Variants in DIAPH2 observed in about 807,000 individuals in gnomAD.
The protein encoded by DIAPH2 is protein diaphanous homolog 2.
Under a neutral mutation model 92.7 loss-of-function variants are expected in DIAPH2, and 35 were observed. The observed-to-expected ratio is 0.38, with a 90% confidence interval of 0.29 to 0.50. The LOEUF (loss-of-function observed/expected upper bound fraction) is 0.50. Among genes scored for constraint, DIAPH2 ranks in the 20% least tolerant of loss-of-function variants. DIAPH2 has a pLI of 0.94. For synonymous variants in DIAPH2, 301 were observed against 280.4 expected (o/e 1.07, Z -0.73); for missense variants, 701 against 819.5 (o/e 0.86, Z 1.77).
intron 4 of DIAPH2, among the ~76,000 whole-genome samples, chrX:96,824,051 A>C (rs2064796528): frequency 9.0e-6 from 1 of 110,674 alleles, no homozygotes; most frequent in Admixed American, 9.7e-5. Flanking sequence ...CCACACTCTG[A>C]TCATTCTAGT....
At chrX:97,306,061 C>T (rs867512212) in intron 23 of DIAPH2, among the ~76,000 whole-genome samples, 2 of 100,257 alleles carry the variant, frequency 2.0e-5, no homozygotes, top group East Asian at 6.3e-4. Flanking sequence ...AAAAAAAAAA[C>T]CTTCCGTACA....
chrX:97,234,412 G>C (rs1314210087), intron 22 of DIAPH2, among the ~76,000 whole-genome samples: 1 of 108,048 alleles, frequency 9.3e-6, no homozygotes, highest in Non-Finnish European at 1.9e-5. Flanking sequence ...TTTTCTCTCT[G>C]TTTCCATATC....
chrX:96,962,274 C>T lies in DIAPH2; in HGVS notation c.1936-2819C>T, dbSNP rs867575010. 1.6e-3 allele frequency among the ~76,000 whole-genome samples: 113 copies of T among 71,972 alleles called. 1 individual carries two copies. The highest frequency in any genetic ancestry group is 2.0e-3 in the Non-Finnish European group (78 of 38,398). The allele number at this position is 71,972 out of a possible 115,157, so 62.5% of individuals were successfully genotyped here. A position where few individuals can be genotyped will look rare whatever the true frequency, so the allele number is the denominator to read the frequency against. ...AGTGATGCCTTTCTATATATATATA[C>T]ATATATATATACATATATATATATA... is the stretch of plus-strand genomic sequence containing the variant. On this transcript the variant is annotated intron_variant, in intron 16 of 26. Transcript: ENST00000324765.
At chrX:97,152,026 C>T (rs745399256) in intron 22 of DIAPH2, among the ~76,000 whole-genome samples, 19 of 111,385 alleles carry the variant, frequency 1.7e-4, no homozygotes, top group African/African-American at 5.9e-4. Flanking sequence ...ATGGAGACTC[C>T]CTTGTACTAC....
At chrX:97,147,000 C>CTTAT (rs2067252210) in intron 22 of DIAPH2, among the ~76,000 whole-genome samples, 1 of 110,250 alleles carries the variant, frequency 9.1e-6, no homozygotes, top group East Asian at 2.8e-4. Context: ...GTTAAGTTTA[C>CTTAT]GTATTTATTT....
intron 24 of DIAPH2, among the ~76,000 whole-genome samples, chrX:97,367,601 AT>A (rs1346817561): frequency 9.0e-6 from 1 of 111,319 alleles, no homozygotes; most frequent in Non-Finnish European, 1.9e-5. Flanking sequence ...TATTCATTGT[AT>A]TTTTTTGTTT....
At chrX:97,497,010 C>T (rs763984352) in intron 26 of DIAPH2, among the ~76,000 whole-genome samples, 2 of 110,115 alleles carry the variant, frequency 1.8e-5, no homozygotes, top group African/African-American at 3.3e-5. Context: ...AGCTTGGGCC[C>T]GTATAAGGTA....
At chrX:97,543,061 G>A (rs1343672434) in intron 26 of DIAPH2, among the ~76,000 whole-genome samples, 1 of 112,141 alleles carries the variant, frequency 8.9e-6, no homozygotes, top group African/African-American at 3.2e-5. Flanking sequence ...CTGCAATCTG[G>A]GCTGGCTTCA....
At chrX:97,266,801 A>T (rs1322802458) in intron 23 of DIAPH2, among the ~76,000 whole-genome samples, 1 of 112,052 alleles carries the variant, frequency 8.9e-6, no homozygotes, top group Non-Finnish European at 1.9e-5. Flanking sequence ...ACATGCTTTT[A>T]ATTGCCTAAT....
chrX:96,743,858 A>G (rs963866654), intron 3 of DIAPH2, among the ~76,000 whole-genome samples: 4 of 112,006 alleles, frequency 3.6e-5, no homozygotes, highest in Non-Finnish European at 7.5e-5. Context: ...AAAAATCACA[A>G]CCATGTGAGG....
intron 22 of DIAPH2, among the ~76,000 whole-genome samples, chrX:97,159,371 ACTGT>A (rs2067348376): frequency 8.9e-6 from 1 of 112,241 alleles, no homozygotes; most frequent in African/African-American, 3.2e-5. Flanking sequence ...GATTATAGAA[ACTGT>A]CTGAGGAATG....
rs899411372 is a variant in DIAPH2 at position 97,601,398 on chromosome X, A to ACTT, written c.*2082_*2084dup. ...AACGAATGAAGTACTATTATTGATA[A>ACTT]CTTATATATTTTTATTTAGAGCAAT... On this transcript the variant is annotated 3_prime_UTR_variant, in exon 27 of 27. Transcript: ENST00000324765. The ACTT allele has an allele frequency of 4.9e-5, 5 of 102,020 alleles. No homozygotes were observed. Among genetic ancestry groups the ACTT allele is most frequent in the South Asian group, 4.0e-4 (1 of 2,518 alleles). The allele number at this position is 102,020 out of a possible 1,213,427, so 8.4% of individuals were successfully genotyped here.
At chrX:97,471,967 T>C (rs1470849640) in intron 26 of DIAPH2, among the ~76,000 whole-genome samples, 4 of 111,649 alleles carry the variant, frequency 3.6e-5, no homozygotes, top group Non-Finnish European at 7.5e-5. Context: ...CTATCCTGCA[T>C]GCTATTTCCT....
chrX:96,815,242 G>T (rs4969696), intron 4 of DIAPH2, among the ~76,000 whole-genome samples: 11,480 of 111,661 alleles, frequency 0.1, 536 homozygotes, highest in East Asian at 0.32. Flanking sequence ...CTCAGCAATG[G>T]TGGATGCCTC....
intron 21 of DIAPH2, among the ~76,000 whole-genome samples, chrX:97,115,307 G>A (rs747647234): frequency 1.8e-5 from 2 of 110,796 alleles, no homozygotes; most frequent in East Asian, 2.8e-4. Flanking sequence ...AGGCTGAGGC[G>A]GGTGGATAAC....
chrX:97,414,145 T>C (rs2069912501), intron 25 of DIAPH2, among the ~76,000 whole-genome samples: 1 of 111,721 alleles, frequency 9.0e-6, no homozygotes, highest in Admixed American at 9.5e-5. Flanking sequence ...ACTACCTGAC[T>C]TCAACCTATA....
intron 23 of DIAPH2, among the ~76,000 whole-genome samples, chrX:97,301,699 C>T (rs1362296205): frequency 9.0e-6 from 1 of 111,598 alleles, no homozygotes; most frequent in African/African-American, 3.3e-5. Flanking sequence ...TTATTCATTA[C>T]CTATAGCTGA....
At chrX:97,233,959 A>G (rs948334264) in intron 22 of DIAPH2, among the ~76,000 whole-genome samples, 2 of 110,920 alleles carry the variant, frequency 1.8e-5, no homozygotes, top group African/African-American at 6.6e-5. Context: ...AGAATTCACA[A>G]TATACATTTT....
At chrX:97,589,753 G>A (rs1368174921) in intron 26 of DIAPH2, among the ~76,000 whole-genome samples, 1 of 112,343 alleles carries the variant, frequency 8.9e-6, no homozygotes, top group African/African-American at 3.2e-5. Flanking sequence ...TATATGAGAA[G>A]CAAGTTGCTA....
Sources: allele counts gnomAD v4.1 joint callset (sites outside exome capture counted in the v4.1 genomes callset), GRCh38; gene constraint gnomAD v4.1.1; transcripts MANE v1.5; gene names NCBI Gene and HGNC (gene_info 2026-07-23, HGNC 2026-07-21).